The following DLGAP2 variants were observed in gnomAD, a reference collection of about 807,000 sequenced individuals.
DLGAP2 encodes the protein DLG associated protein 2.
DLGAP2 carries 26 observed loss-of-function variants against 100.3 expected under a neutral mutation model. The observed-to-expected ratio is 0.26, with a 90% CI of 0.19 to 0.36. DLGAP2 has a LOEUF of 0.36. Ranked by LOEUF, DLGAP2 falls within the 10% of genes least tolerant of loss-of-function variation. The probability of loss-of-function intolerance (pLI) is 1.00; values close to 1 mark genes in which losing one functional copy is unlikely to be tolerated. For missense variants in DLGAP2, 1,858 were observed against 1,453.2 expected (o/e 1.28, Z -4.53); for synonymous variants, 886 against 630.1 (o/e 1.41, Z -6.08).
At chr8:1,456,376 A>G (rs1005651084) in intron 3 of DLGAP2, among the ~76,000 whole-genome samples, 5 of 152,150 alleles carry the variant, frequency 3.3e-5, no homozygotes, top group African/African-American at 1.2e-4. Context: ...CTTCCTGACT[A>G]ATGGTGCCGT....
chr8:1,425,844 A>C (rs757607048), intron 3 of DLGAP2, among the ~76,000 whole-genome samples: 1 of 152,194 alleles, frequency 6.6e-6, no homozygotes, highest in Non-Finnish European at 1.5e-5. Context: ...CCAGAAGTTC[A>C]GTTCAGTGCC....
chr8:962,480 T>C (rs1799749374), intron 2 of DLGAP2, among the ~76,000 whole-genome samples: 1 of 152,194 alleles, frequency 6.6e-6, no homozygotes, highest in Non-Finnish European at 1.5e-5. Flanking sequence ...CGTGGGGCGC[T>C]GCTGGGAGTC....
At chr8:1,675,166 C>T (rs1297091977) in intron 10 of DLGAP2, among the ~76,000 whole-genome samples, 1 of 152,218 alleles carries the variant, frequency 6.6e-6, no homozygotes, top group Non-Finnish European at 1.5e-5. Flanking sequence ...AGAATTACAC[C>T]CGGTGAAAGT....
chr8:1,221,942 C>G (rs1563262150), intron 2 of DLGAP2, among the ~76,000 whole-genome samples: 1 of 152,192 alleles, frequency 6.6e-6, no homozygotes, highest in East Asian at 1.9e-4. Flanking sequence ...TTTTTTATTT[C>G]CAGTTCTGTT....
intron 13 of DLGAP2, among the ~76,000 whole-genome samples, chr8:1,693,339 T>C (rs749802411): frequency 4.0e-5 from 6 of 150,278 alleles, no homozygotes; most frequent in Non-Finnish European, 7.4e-5. Flanking sequence ...AGTTTACATA[T>C]ACATGTTAAT....
At chr8:938,300 C>T (rs1011679404) in intron 2 of DLGAP2, among the ~76,000 whole-genome samples, 20 of 152,268 alleles carry the variant, frequency 1.3e-4, no homozygotes, top group African/African-American at 3.1e-4. Context: ...CAGGCTTAAG[C>T]GATCCTCCTT....
chr8:1,687,289 G>C (rs1799141498), intron 12 of DLGAP2, among the ~76,000 whole-genome samples: 1 of 152,190 alleles, frequency 6.6e-6, no homozygotes, highest in Non-Finnish European at 1.5e-5. Flanking sequence ...AAAAATAAAA[G>C]AGCCAAGTGT....
chr8:862,933 C>T (rs1329705434), intron 1 of DLGAP2, among the ~76,000 whole-genome samples: 1 of 152,142 alleles, frequency 6.6e-6, no homozygotes, highest in Non-Finnish European at 1.5e-5. Flanking sequence ...AGTACTTTTC[C>T]ACTGCCACAG....
intron 4 of DLGAP2, among the ~76,000 whole-genome samples, chr8:1,546,928 T>C (rs1172400969): frequency 6.6e-6 from 1 of 152,132 alleles, no homozygotes; most frequent in East Asian, 1.9e-4. Flanking sequence ...GATAGTTCCC[T>C]TCCTGAGGAG....
intron 4 of DLGAP2, among the ~76,000 whole-genome samples, chr8:1,508,765 A>G (rs1274344169): frequency 6.6e-6 from 1 of 151,334 alleles, no homozygotes; most frequent in East Asian, 2.0e-4. Context: ...GGCGTTCCCT[A>G]AAAACACCGA....
Position 1,549,362 on chromosome 8 carries a change from GGACAGC to G in DLGAP2, c.916_921del (p.Asp306_Ser307del). 6.2e-7 allele frequency: 1 copy of G among 1,613,442 alleles called. No homozygotes were observed. The highest frequency in any genetic ancestry group is 2.2e-5 in the East Asian group (1 of 44,860). The stretch of plus-strand genomic sequence containing the variant: ...GCTGGTGGAGCTCGGACGACAACCT[GGACAGC>G]GACAGCACCTATCGGACGCCCAGCG... On this transcript the variant is annotated inframe_deletion, in exon 5 of 15. Transcript: ENST00000637795.
Position 1,630,441 on chromosome 8 carries a change from G to A in DLGAP2, c.1591-2386G>A, listed in dbSNP as rs1227064244. Among the ~76,000 whole-genome samples, 4 of 152,076 alleles carry A rather than the reference G, an allele frequency of 2.6e-5. No individual in the cohort carries two copies. In the South Asian group the frequency reaches 6.2e-4, roughly 24 times the overall value. On this transcript the variant is annotated intron_variant, in intron 7 of 14. Coordinates refer to ENST00000637795, the MANE Select transcript of DLGAP2 (RefSeq NM_001346810.2). ...CCCTTGGCCAGTCGCGGTGGCTCAC[G>A]CCTGTAATCCCAGCACTTTGGGAGG...
chr8:756,700 C>G (rs1820929707), intron 1 of DLGAP2, among the ~76,000 whole-genome samples: 1 of 152,066 alleles, frequency 6.6e-6, no homozygotes, highest in Non-Finnish European at 1.5e-5. Flanking sequence ...AACCTGGAAT[C>G]CCCCTTCCCC....
intron 3 of DLGAP2, among the ~76,000 whole-genome samples, chr8:1,444,072 C>G (rs527818300): frequency 6.6e-6 from 1 of 152,194 alleles, no homozygotes; most frequent in Non-Finnish European, 1.5e-5. Flanking sequence ...AAACCATGCT[C>G]TCCCTACACC....
chr8:968,462 C>T (rs995650981), intron 2 of DLGAP2, among the ~76,000 whole-genome samples: 1 of 152,140 alleles, frequency 6.6e-6, no homozygotes, highest in African/African-American at 2.4e-5. Flanking sequence ...GCCTCCTGCT[C>T]CCTGCCCACA....
At chr8:862,170 G>A (rs1188812079) in intron 1 of DLGAP2, among the ~76,000 whole-genome samples, 3 of 152,280 alleles carry the variant, frequency 2.0e-5, no homozygotes, top group South Asian at 2.1e-4. Context: ...AAGGCTCCGG[G>A]CCTCGTCCAG....
At chr8:926,967 G>C (rs888866233) in intron 2 of DLGAP2, 15 of 954,858 alleles carry the variant, frequency 1.6e-5, no homozygotes, top group Non-Finnish European at 1.7e-5. Context: ...GGGACAGCGT[G>C]GGGGGAAGCC....
Position 1,701,753 on chromosome 8 carries a change from A to G in DLGAP2, c.*347A>G, listed in dbSNP as rs1261478772. ...ACCCAGCTTACATTTTGTTATTTCTATTTTTATAAATTGTGTGATAATTAG... is the reference window on the plus strand; with the variant it reads ...ACCCAGCTTACATTTTGTTATTTCTGTTTTTATAAATTGTGTGATAATTAG... On this transcript the variant is annotated 3_prime_UTR_variant, in exon 15 of 15. Coordinates refer to ENST00000637795, the MANE Select transcript of DLGAP2 (RefSeq NM_001346810.2). 2 of 311,556 alleles carry G rather than the reference A, an allele frequency of 6.4e-6. No individual in the cohort carries two copies. Among genetic ancestry groups the G allele is most frequent in the Non-Finnish European group, 1.2e-5 (2 of 171,304 alleles). 19.3% of individuals were successfully genotyped at this position (311,556 alleles called of 1,614,324 possible).
At chr8:1,260,309 C>G (rs761462989) in intron 3 of DLGAP2, among the ~76,000 whole-genome samples, 3 of 152,000 alleles carry the variant, frequency 2.0e-5, no homozygotes, top group Non-Finnish European at 4.4e-5. Context: ...CCCCCAACCC[C>G]TCACCGAGAG....
Sources: allele counts gnomAD v4.1 joint callset (sites outside exome capture counted in the v4.1 genomes callset), GRCh38; gene constraint gnomAD v4.1.1; transcripts MANE v1.5; gene names NCBI Gene and HGNC (gene_info 2026-07-23, HGNC 2026-07-21).